RFC5: variants seen among roughly 807,000 people sequenced by gnomAD.
The protein encoded by RFC5 is A1 36 kDa subunit.
In RFC5, 26 loss-of-function variants were observed where a neutral mutation model predicts 44.3. The observed-to-expected ratio is 0.59, with a 90% CI of 0.43 to 0.81. The LOEUF (loss-of-function observed/expected upper bound fraction) is 0.81. Ranked by LOEUF, RFC5 falls within the 40% of genes least tolerant of loss-of-function variation. The probability of loss-of-function intolerance (pLI) is 0.00; values close to 1 mark genes in which losing one functional copy is unlikely to be tolerated. For synonymous variants in RFC5, 155 were observed against 155.2 expected, an observed-to-expected ratio of 1.00 and a Z score of 0.01; for missense variants, 328 against 418.6, an observed-to-expected ratio of 0.78 and a Z score of 1.89.
chr12:118,026,809 A>T, intron 7 of RFC5, 80 bp from the exon 8 acceptor site: 1 of 1,523,056 alleles, frequency 6.6e-7, no homozygotes, highest in Admixed American at 1.8e-5. Context: ...CTGCCTTGGC[A>T]ATTTCTTCTT....
intron 6 of RFC5, chr12:118,025,255 A>G (rs998761920): frequency 1.4e-5 from 6 of 432,526 alleles, no homozygotes; most frequent in Non-Finnish European, 2.5e-5. Context: ...AGCTGTCCCA[A>G]TTTCCTCCTA....
At chr12:118,041,145 C>A in the RFC5 span, among the ~76,000 whole-genome samples, 2 of 152,190 alleles carry the variant, frequency 1.3e-5, no homozygotes, top group African/African-American at 4.8e-5. Flanking sequence ...GTTTGTCTGA[C>A]AAGTTGCTAT....
At chr12:118,034,118 G>GTT (rs1269546567), downstream of RFC5, 3 of 1,567,212 alleles carry the variant, frequency 1.9e-6, no homozygotes, top group African/African-American at 2.7e-5. Flanking sequence ...AAGACCAGAT[G>GTT]TTTGGCCCAT....
downstream of RFC5, chr12:118,033,491 A>C (rs1464202677): frequency 6.6e-6 from 1 of 152,170 alleles, no homozygotes; most frequent in Non-Finnish European, 1.5e-5. Flanking sequence ...TTAAGAATAC[A>C]TCCTTGTATA....
chr12:118,038,376 T>C, the RFC5 span: 1 of 1,614,002 alleles, frequency 6.2e-7, no homozygotes, highest in Non-Finnish European at 8.5e-7. Context: ...CGATAACACT[T>C]GAATCTGTTT....
downstream of RFC5, chr12:118,036,660 G>A (rs2031518567): frequency 4.8e-6 from 4 of 830,196 alleles, no homozygotes; most frequent in African/African-American, 6.8e-5. Flanking sequence ...AGAACGTGTG[G>A]TGTAGGTTTA....
At chr12:118,017,039 T>G (rs2030134898) in intron 1 of RFC5, 147 bp downstream of exon 1, 2 of 685,024 alleles carry the variant, frequency 2.9e-6, no homozygotes, top group East Asian at 2.7e-5. Flanking sequence ...CTGCAGAGGT[T>G]TCCCCCGACA....
At chr12:118,018,608 G>C in intron 1 of RFC5, among the ~76,000 whole-genome samples, 1 of 146,472 alleles carries the variant, frequency 6.8e-6, no homozygotes, top group African/African-American at 2.5e-5. Context: ...AAAGGATTCT[G>C]TTTTTTTTTT....
At chr12:118,021,035 G>T (rs767060845) in intron 4 of RFC5, 50 bp downstream of exon 4, 2 of 1,164,422 alleles carry the variant, frequency 1.7e-6, no homozygotes, top group Non-Finnish European at 2.6e-6. Context: ...TTAGTAAGAT[G>T]ATATGGGTTA....
At chr12:118,031,123 T>C in intron 10 of RFC5, 59 bp from the exon 11 acceptor site, 1 of 1,247,158 alleles carries the variant, frequency 8.0e-7, no homozygotes, top group African/African-American at 1.5e-5. Context: ...CTTGGTCCCT[T>C]AAGAAAAGGC....
At chr12:118,023,835 A>T (rs1382089558) in intron 5 of RFC5, among the ~76,000 whole-genome samples, 2 of 151,618 alleles carry the variant, frequency 1.3e-5, no homozygotes, top group Non-Finnish European at 3.0e-5. Context: ...TAATGGGATT[A>T]CATGGCAAAA....
chr12:118,038,464 G>A, the RFC5 span: 2 of 1,408,600 alleles, frequency 1.4e-6, no homozygotes, highest in African/African-American at 1.4e-5. Flanking sequence ...GAACTGGGGT[G>A]GTAACAGCCC....
downstream of RFC5, chr12:118,038,010 CAAG>C (rs1483298762): frequency 1.3e-5 from 4 of 297,282 alleles, no homozygotes; most frequent in Admixed American, 1.9e-4. Context: ...TCTTAGACTC[CAAG>C]AAGAAAAGAA....
Position 118,025,007 on chromosome 12 carries a change from A to G in RFC5, c.578A>G (p.Glu193Gly), listed in dbSNP as rs768614912. 1.2e-6 allele frequency: 2 copies of G among 1,612,400 alleles called. No homozygotes were observed. The highest frequency in any genetic ancestry group is 1.3e-5 in the African/African-American group (1 of 74,820). Reference sequence around the variant, plus strand: ...CGCCTGGAACATGTCGTGGAAGAAGAGAAGTGAGTATTTTGCGGGCCTTTG... The same window carrying G: ...CGCCTGGAACATGTCGTGGAAGAAGGGAAGTGAGTATTTTGCGGGCCTTTG... Reference protein sequence around the residue: ...VPRLEHVVEEEKVDISEDGMK... With the variant: ...VPRLEHVVEEGKVDISEDGMK... The change falls in exon 6 of 11, where the codon GAG (glutamate) becomes GGG (glycine). Residue 193 changes from glutamate to glycine, a missense_variant. Transcript: ENST00000454402.
the RFC5 span, chr12:118,038,270 A>G: frequency 2.5e-6 from 4 of 1,607,972 alleles, no homozygotes; most frequent in Non-Finnish European, 3.4e-6. Flanking sequence ...AATTAAAGCA[A>G]TAACGCTGGA....
chr12:118,027,114 ACTGG>A, intron 8 of RFC5, 96 bp downstream of exon 8: 1 of 1,308,922 alleles, frequency 7.6e-7, no homozygotes, highest in Admixed American at 1.9e-5. Context: ...GCAAAGGATG[ACTGG>A]CTGCAGGCGA....
rs5745796 is a variant in RFC5 at position 118,016,864 on chromosome 12, G to A, written c.37G>A (p.Ala13Thr). 14 of 1,613,410 alleles carry A rather than the reference G, an allele frequency of 8.7e-6. No homozygotes were observed. The highest frequency in any genetic ancestry group is 1.3e-5 in the African/African-American group (1 of 74,912). ...TSALKQQEQP[A>T]ATKIRNLPWV... Reference sequence around the variant, plus strand: ...AGCACTCAAGCAGCAGGAGCAGCCCGCGGCGACCAAGATCAGGAACCTGCC... The same window carrying A: ...AGCACTCAAGCAGCAGGAGCAGCCCACGGCGACCAAGATCAGGAACCTGCC... Residue 13 changes from alanine (A) to threonine (T), a missense_variant, in exon 1 of 11, where the codon GCG becomes ACG. Coordinates refer to ENST00000454402, the MANE Select transcript of RFC5 (RefSeq NM_007370.7).
Position 118,016,824 on chromosome 12 carries a change from C to T in RFC5, c.-4C>T. The T allele has an allele frequency of 6.2e-7, 1 of 1,611,694 alleles. No individual in the cohort carries two copies. Among genetic ancestry groups the T allele is most frequent in the East Asian group, 2.2e-5 (1 of 44,738 alleles). ...GCGGATCTGGTCACCTTCGTCTCCCCGCCATGGAGACCTCAGCACTCAAGC... is the reference window on the plus strand; with the variant it reads ...GCGGATCTGGTCACCTTCGTCTCCCTGCCATGGAGACCTCAGCACTCAAGC... On this transcript the variant is annotated 5_prime_UTR_variant, in exon 1 of 11. Transcript: ENST00000454402.
chr12:118,035,300 C>T (rs747489506), downstream of RFC5: 13 of 1,614,094 alleles, frequency 8.1e-6, no homozygotes, highest in Non-Finnish European at 8.5e-6. Flanking sequence ...CACTGTCATC[C>T]ATGGCGGGGT....
Sources: allele counts gnomAD v4.1 joint callset (sites outside exome capture counted in the v4.1 genomes callset), GRCh38; gene constraint gnomAD v4.1.1; transcripts MANE v1.5; gene names NCBI Gene and HGNC (gene_info 2026-07-23, HGNC 2026-07-21).